ENPP7: variants seen among roughly 807,000 people sequenced by gnomAD.
ENPP7 encodes ectonucleotide pyrophosphatase/phosphodiesterase family member 7.
A neutral mutation model predicts 33.6 loss-of-function variants in ENPP7; 39 were observed. The observed-to-expected ratio is 1.16, with a 90% CI of 0.90 to 1.52. The LOEUF (loss-of-function observed/expected upper bound fraction) is 1.52. Ranked by LOEUF, ENPP7 falls within the 40% of genes most tolerant of loss-of-function variation. ENPP7 has a pLI of 0.00. For missense variants in ENPP7, 594 were observed against 641.0 expected (o/e 0.93, Z 0.79); for synonymous variants, 244 against 274.3 (o/e 0.89, Z 1.09).
In ENPP7 at chr17:79,733,547, A is replaced by G; in HGVS notation, c.293A>G (p.Tyr98Cys). 1 of 1,613,548 alleles carries G rather than the reference A, an allele frequency of 6.2e-7. No homozygotes were observed. Among genetic ancestry groups the G allele is most frequent in the African/African-American group, 1.3e-5 (1 of 75,048 alleles). Residue 98 changes from tyrosine (Y) to cysteine (C), a missense_variant, in exon 2 of 6, where the codon TAC (tyrosine) becomes TGC (cysteine). This residue lies in a region of ENPP7 where 504 missense variants were observed against 512.8 expected (regional missense o/e 0.98). Transcript: ENST00000328313. ...AACCACGGGGTGGTTCACAACATGT[A>G]CTACAACACCACCAGCAAGGTGAAG... ...IENHGVVHNM[Y>C]YNTTSKVKLP...
chr17:79,741,994 G>A lies in ENPP7; in HGVS notation c.*217G>A. The A allele has an allele frequency of 1.0e-6, 1 of 980,910 alleles. No individual in the cohort carries two copies. The highest frequency in any genetic ancestry group is 1.2e-6 in the Non-Finnish European group (1 of 824,962). The allele number at this position is 980,910 out of a possible 1,614,324, so 60.8% of individuals were successfully genotyped here. On this transcript the variant is annotated 3_prime_UTR_variant, in exon 6 of 6. Transcript: ENST00000328313. ...CCAGGTCCAGAGCCCCCGGCGAGCC[G>A]GTCCCATAACCGGCCCCCTGCCCCT... is the stretch of plus-strand genomic sequence containing the variant.
chr17:79,733,199 C>T, intron 1 of ENPP7, among the ~76,000 whole-genome samples: 1 of 152,236 alleles, frequency 6.6e-6, no homozygotes, highest in African/African-American at 2.4e-5. Context: ...AGGCTGCCAC[C>T]AGGATCCCTG....
In ENPP7 at chr17:79,735,415, G is replaced by C; in HGVS notation, c.772G>C (p.Asp258His). 6.2e-7 allele frequency: 1 copy of C among 1,614,032 alleles called. No homozygotes were observed. The highest frequency in any genetic ancestry group is 8.5e-7 in the Non-Finnish European group (1 of 1,180,022). ...GMTTVDKRAG[D>H]LVEFHKFPNF... ...GACGACCGTGGACAAACGGGCTGGC[G>C]ACCTGGTTGAATTCCACAAGTTCCC... Residue 258 changes from aspartate to histidine, a missense_variant, in exon 3 of 6, where the codon GAC (aspartate) becomes CAC (histidine). Transcript: ENST00000328313. This position sits in a 1 kb window ranked among gnomAD's most constrained non-coding sequence, Gnocchi z 5.5.
rs1555823760 is a variant in ENPP7, at chr17:79,737,152, G to T, written c.1138G>T (p.Glu380Ter). The change falls in exon 4 of 6, where the codon GAG becomes TAG. Residue 380 changes from glutamate to a stop codon, truncating the protein, a stop_gained. Coordinates refer to ENST00000328313, the MANE Select transcript of ENPP7 (RefSeq NM_178543.5). LOFTEE classifies it high-confidence loss of function. This position sits in a 1 kb window ranked among gnomAD's most constrained non-coding sequence, Gnocchi z 5.5. ...TAGCTTCAGGGCGGGCCTGGAGGTG[G>T]AGCCCTTTGAGAGCGTCCACGTGTA... ...GPSFRAGLEV[E>*]PFESVHVYEL... The T allele has an allele frequency of 6.2e-7, 1 of 1,613,964 alleles. No individual in the cohort carries two copies.
chr17:79,737,390 C>A lies in ENPP7; in HGVS notation c.1246+130C>A. On this transcript the variant is annotated intron_variant, in intron 4 of 5. Transcript: ENST00000328313. The surrounding 1 kb of genome is among the most constrained non-coding windows in gnomAD (Gnocchi z 5.5). ...GGCCACCTCCCCTGGCTTTGGAGAA[C>A]ACCAGAATCTCTCACATTCCCACAA... is the stretch of plus-strand genomic sequence containing the variant. 2 of 706,494 alleles carry A rather than the reference C, an allele frequency of 2.8e-6. No homozygotes were observed. Among genetic ancestry groups the A allele is most frequent in the Non-Finnish European group, 4.8e-6 (2 of 415,970 alleles). 43.8% of individuals were successfully genotyped at this position (706,494 alleles called of 1,614,324 possible).
Position 79,737,302 on chromosome 17 carries a change from TACACGTGTGC to T in ENPP7, c.1246+48_1246+57del, listed in dbSNP as rs1555823835. 6.8e-7 allele frequency: 1 copy of T among 1,477,954 alleles called. No individual in the cohort carries two copies. Among genetic ancestry groups the T allele is most frequent in the Admixed American group, 1.9e-5 (1 of 51,816 alleles). The allele number at this position is 1,477,954 out of a possible 1,614,324, so 91.6% of individuals were successfully genotyped here. A position where few individuals can be genotyped will look rare whatever the true frequency, so the allele number is the denominator to read the frequency against. ...CCAAATCCCCGCCTGCTCTGGTGTGTACACGTGTGCACACGAGGGTGCCTGCATGCCTGTG... is the reference window on the plus strand; with the variant it reads ...CCAAATCCCCGCCTGCTCTGGTGTGTACACGAGGGTGCCTGCATGCCTGTG... On this transcript the variant is annotated intron_variant, in intron 4 of 5. Coordinates refer to ENST00000328313, the MANE Select transcript of ENPP7 (RefSeq NM_178543.5). The surrounding 1 kb of genome is among the most constrained non-coding windows in gnomAD (Gnocchi z 5.5).
chr17:79,733,586 C>T lies in ENPP7; in HGVS notation c.332C>T (p.Ala111Val), dbSNP rs1555822955. ...AGCAAGGTGAAGCTGCCCTACCACG[C>T]CACGCTGGGCATCCAGAGGTGGTGG... ...TTSKVKLPYH[A>V]TLGIQRWWDN... The change falls in exon 2 of 6, where the codon GCC (alanine) becomes GTC (valine). Residue 111 changes from alanine (A) to valine (V), a missense_variant. Transcript: ENST00000328313. 1.1e-5 allele frequency: 17 copies of T among 1,613,444 alleles called. No homozygotes were observed. The highest frequency in any genetic ancestry group is 1.7e-5 in the Admixed American group (1 of 60,008).
rs781833982 is a variant in ENPP7 at position 79,735,009 on chromosome 17, G to A, written c.400-34G>A. The A allele has an allele frequency of 6.2e-7, 1 of 1,603,330 alleles. No individual in the cohort carries two copies. The highest frequency in any genetic ancestry group is 8.5e-7 in the Non-Finnish European group (1 of 1,173,964). ...CATGAGACAAGGGGCAGCCCACTGA[G>A]GAGTCCTGTCTTTCACGCTGCCTTG... On this transcript the variant is annotated intron_variant, in intron 2 of 5. Transcript: ENST00000328313. The surrounding 1 kb of genome is among the most constrained non-coding windows in gnomAD (Gnocchi z 5.5).
rs1463008507 is a variant in ENPP7, at chr17:79,739,735, GT to G, written c.*16+1676del. ...AGATGAGTCCACAGCCAGGGATGCA[GT>G]TTAGTCTGGCAATTTAAATTTGAGA... On this transcript the variant is annotated intron_variant, in intron 5 of 5. Transcript: ENST00000328313. This position sits in a 1 kb window ranked among gnomAD's most constrained non-coding sequence, Gnocchi z 4.4. Among the ~76,000 whole-genome samples, 2 of 152,252 alleles carry G rather than the reference GT, an allele frequency of 1.3e-5. No individual in the cohort carries two copies. The highest frequency in any genetic ancestry group is 4.8e-5 in the African/African-American group (2 of 41,462).
rs566426466 is a variant in ENPP7 at position 79,739,230 on chromosome 17, G to A, written c.*16+1168G>A. The A allele has an allele frequency of 6.5e-6, 1 of 152,676 alleles. No individual in the cohort carries two copies. Among genetic ancestry groups the A allele is most frequent in the South Asian group, 2.1e-4 (1 of 4,828 alleles). 9.5% of individuals were successfully genotyped at this position (152,676 alleles called of 1,614,324 possible). Reference sequence around the variant, plus strand: ...TTGGGATGAGACAGAAGGCCAGTGTGCCTGCAGGTTGGCACAGAGCGAGGC... The same window carrying A: ...TTGGGATGAGACAGAAGGCCAGTGTACCTGCAGGTTGGCACAGAGCGAGGC... On this transcript the variant is annotated intron_variant, in intron 5 of 5. Transcript: ENST00000328313. The surrounding 1 kb of genome is among the most constrained non-coding windows in gnomAD (Gnocchi z 4.4).
Position 79,737,731 on chromosome 17 carries a change from G to C in ENPP7, c.1247-185G>C, listed in dbSNP as rs1316927898. On this transcript the variant is annotated intron_variant, in intron 4 of 5. Coordinates refer to ENST00000328313, the MANE Select transcript of ENPP7 (RefSeq NM_178543.5). The surrounding 1 kb of genome is among the most constrained non-coding windows in gnomAD (Gnocchi z 5.5). ...CGACCCCGGCGGGGGCCTGGCTGGA[G>C]AGGGGTGGGCTCTACTGAGCAGGGC... Among the ~76,000 whole-genome samples the C allele has an allele frequency of 6.6e-6, 1 of 152,226 alleles. No homozygotes were observed. Among genetic ancestry groups the C allele is most frequent in the Admixed American group, 6.5e-5 (1 of 15,290 alleles).
intron 5 of ENPP7, among the ~76,000 whole-genome samples, chr17:79,740,908 G>A (rs1270430051): frequency 1.3e-5 from 2 of 152,224 alleles, no homozygotes; most frequent in African/African-American, 2.4e-5. Context: ...TAAGAGCTGG[G>A]GGGTCCGAAG....
In ENPP7 at chr17:79,735,613, A is replaced by C. The variant is rs1555823442; in HGVS notation, c.970A>C (p.Asn324His). 6.2e-7 allele frequency: 1 copy of C among 1,613,724 alleles called. No individual in the cohort carries two copies. Among genetic ancestry groups the C allele is most frequent in the South Asian group, 1.1e-5 (1 of 91,086 alleles). ...CCCCGAGGCCTTCCACTACGCCAAC[A>C]ACCCCAGGGTCACACCCCTGCTGAT... ...AFPEAFHYAN[N>H]PRVTPLLMYS... is the part of the protein sequence containing the mutation. The change falls in exon 3 of 6, where the codon AAC (asparagine) becomes CAC (histidine). Residue 324 changes from asparagine to histidine, a missense_variant. Asn to His is a moderately conservative substitution (Grantham distance 68). This residue lies in a region of ENPP7 where 504 missense variants were observed against 512.8 expected (regional missense o/e 0.98). Coordinates refer to ENST00000328313, the MANE Select transcript of ENPP7 (RefSeq NM_178543.5). This position sits in a 1 kb window ranked among gnomAD's most constrained non-coding sequence, Gnocchi z 5.5.
intron 1 of ENPP7, among the ~76,000 whole-genome samples, chr17:79,732,143 TA>T (rs2094287508): frequency 4.1e-5 from 1 of 24,236 alleles, no homozygotes; most frequent in Non-Finnish European, 7.9e-5. Context: ...TATATATATA[TA>T]TATATACACA....
chr17:79,736,968 G>A (rs1555823705), intron 3 of ENPP7, 73 bp from the exon 4 acceptor site: 5 of 1,302,854 alleles, frequency 3.8e-6, no homozygotes, highest in Non-Finnish European at 4.4e-6. Flanking sequence ...GGTGTTCATA[G>A]GGTGGATAGG....
chr17:79,738,157 G>C lies in ENPP7; in HGVS notation c.*16+95G>C, dbSNP rs2094299442. ...GCTACAGTCCTAGGCAACCAGAACAGAGCTGCCAGGCCCCGCCAAGCAGGT... is the reference window on the plus strand; with the variant it reads ...GCTACAGTCCTAGGCAACCAGAACACAGCTGCCAGGCCCCGCCAAGCAGGT... On this transcript the variant is annotated intron_variant, in intron 5 of 5. Transcript: ENST00000328313. The surrounding 1 kb of genome is among the most constrained non-coding windows in gnomAD (Gnocchi z 6.2). 7.5e-7 allele frequency: 1 copy of C among 1,332,038 alleles called. No homozygotes were observed. The highest frequency in any genetic ancestry group is 1.0e-6 in the Non-Finnish European group (1 of 962,650). The allele number at this position is 1,332,038 out of a possible 1,614,324, so 82.5% of individuals were successfully genotyped here. A position where few individuals can be genotyped will look rare whatever the true frequency, so the allele number is the denominator to read the frequency against.
In ENPP7 at chr17:79,737,358, C is replaced by T. The variant is rs2145794940; in HGVS notation, c.1246+98C>T. 1.0e-6 allele frequency: 1 copy of T among 968,004 alleles called. No homozygotes were observed. The highest frequency in any genetic ancestry group is 1.5e-5 in the South Asian group (1 of 67,352). 60.0% of individuals were successfully genotyped at this position (968,004 alleles called of 1,614,324 possible). ...CTGTGACCAGGACACCCTTGAGCCCCAAGTGGGGCCACCTCCCCTGGCTTT... is the reference window on the plus strand; with the variant it reads ...CTGTGACCAGGACACCCTTGAGCCCTAAGTGGGGCCACCTCCCCTGGCTTT... On this transcript the variant is annotated intron_variant, in intron 4 of 5. Coordinates refer to ENST00000328313, the MANE Select transcript of ENPP7 (RefSeq NM_178543.5). This position sits in a 1 kb window ranked among gnomAD's most constrained non-coding sequence, Gnocchi z 5.5.
At chr17:79,732,515 AG>A in intron 1 of ENPP7, among the ~76,000 whole-genome samples, 1 of 152,222 alleles carries the variant, frequency 6.6e-6, no homozygotes, top group East Asian at 1.9e-4. Context: ...AGGGCATTGC[AG>A]GGCTGCACCC....
chr17:79,740,993 TTTTC>T (rs1230595233), intron 5 of ENPP7, among the ~76,000 whole-genome samples: 1 of 151,832 alleles, frequency 6.6e-6, no homozygotes, highest in African/African-American at 2.4e-5. Context: ...TTTTCTTTTC[TTTTC>T]TTTTTTACAC....
Sources: allele counts gnomAD v4.1 joint callset (sites outside exome capture counted in the v4.1 genomes callset), GRCh38; gene constraint gnomAD v4.1.1; regional missense constraint gnomAD v4.1.1; non-coding constraint Gnocchi (gnomAD v3.1); transcripts MANE v1.5; gene names NCBI Gene and HGNC (gene_info 2026-07-23, HGNC 2026-07-21).